Variants in GPR183 observed in about 807,000 individuals in gnomAD.
The protein encoded by GPR183 is G protein-coupled receptor 183.
Under a neutral mutation model 19.7 loss-of-function variants are expected in GPR183, and 9 were observed. The ratio of observed to expected loss-of-function variants is 0.46; its 90% CI spans 0.28 to 0.80. The LOEUF (loss-of-function observed/expected upper bound fraction) is 0.80, where lower values mean the gene tolerates loss of function less well. Ranked by LOEUF, GPR183 falls within the 30% of genes least tolerant of loss-of-function variation. The pLI is 0.13. For synonymous variants in GPR183, 160 were observed against 155.1 expected (o/e 1.03, Z -0.24); for missense variants, 368 against 446.7 (o/e 0.82, Z 1.59).
At position 99,295,403 on chromosome 13, in the gene GPR183, A is replaced by G; in HGVS notation, c.743T>C (p.Leu248Pro). The change falls in exon 2 of 2, where the codon CTT becomes CCT. Residue 248 changes from leucine to proline, a missense_variant. Leu to Pro is a moderately conservative substitution (Grantham distance 98, BLOSUM62 -3). Transcript: ENST00000376414. This position sits in a 1 kb window ranked among gnomAD's most constrained non-coding sequence, Gnocchi z 4.1. Reference protein sequence around the residue: ...VNKKALNTIILIIVVFVLCFT... With the variant: ...VNKKALNTIIPIIVVFVLCFT... ...ACAGAGAACAAACACAACAATAATA[A>G]GAATAATTGTGTTGAGAGCCTTTTT... The G allele has an allele frequency of 6.2e-7, 1 of 1,614,086 alleles. No homozygotes were observed. The highest frequency in any genetic ancestry group is 8.5e-7 in the Non-Finnish European group (1 of 1,179,966).
At chr13:99,306,476 G>A (rs1452664522) in intron 1 of GPR183, among the ~76,000 whole-genome samples, 4 of 151,838 alleles carry the variant, frequency 2.6e-5, no homozygotes, top group South Asian at 2.1e-4. Flanking sequence ...ACACTATATT[G>A]TACTCAGAGT....
At chr13:99,305,148 A>G (rs1283610311) in intron 1 of GPR183, among the ~76,000 whole-genome samples, 2 of 152,254 alleles carry the variant, frequency 1.3e-5, no homozygotes, top group East Asian at 3.8e-4. Context: ...AATATCTAGA[A>G]TAGGCTTTTA....
chr13:99,295,513 G>T lies in GPR183; in HGVS notation c.633C>A (p.Ile211=). Residue 211 remains isoleucine, a synonymous_variant, in exon 2 of 2, where the codon ATC becomes ATA. Transcript: ENST00000376414. The surrounding 1 kb of genome is among the most constrained non-coding windows in gnomAD (Gnocchi z 4.1). ...CFIGYVLPLI[I]ILICYSQICC... ...AGATCTGAGAATAGCAGATGAGAAT[G>T]ATTATAAGTGGAAGTACATATCCTA... is the stretch of plus-strand genomic sequence containing the variant. The T allele has an allele frequency of 6.2e-7, 1 of 1,613,950 alleles. No homozygotes were observed. Among genetic ancestry groups the T allele is most frequent in the Non-Finnish European group, 8.5e-7 (1 of 1,180,010 alleles).
chr13:99,306,881 T>C (rs555459352), intron 1 of GPR183, among the ~76,000 whole-genome samples: 259 of 152,314 alleles, frequency 1.7e-3, no homozygotes, highest in African/African-American at 4.6e-3. Context: ...TTAGAAAATA[T>C]ACCCTTTGCC....
rs933550504 is a variant in GPR183, at chr13:99,300,012, G to A, written c.-18-3849C>T. ...TTTCATGCTGCCCTTAAAGAACTGAGGGCTTGTGGTTTCAAAGTGGTCTAG... is the reference window on the plus strand; with the variant it reads ...TTTCATGCTGCCCTTAAAGAACTGAAGGCTTGTGGTTTCAAAGTGGTCTAG... On this transcript the variant is annotated intron_variant, in intron 1 of 1. Transcript: ENST00000376414. Among the ~76,000 whole-genome samples, 3 of 152,190 alleles carry A rather than the reference G, an allele frequency of 2.0e-5. No homozygotes were observed. In the South Asian group the frequency reaches 6.2e-4, roughly 32 times the overall value.
chr13:99,303,870 CAG>C (rs1341461576), intron 1 of GPR183, among the ~76,000 whole-genome samples: 6 of 152,194 alleles, frequency 3.9e-5, no homozygotes, highest in Non-Finnish European at 7.3e-5. Flanking sequence ...GTACTCAAGG[CAG>C]GGGTCGTGAA....
chr13:99,304,879 C>T (rs2044309202), intron 1 of GPR183, among the ~76,000 whole-genome samples: 1 of 152,176 alleles, frequency 6.6e-6, no homozygotes, highest in African/African-American at 2.4e-5. Context: ...GGGTAGAAAA[C>T]AAGTAAAATA....
At position 99,295,773 on chromosome 13, in the gene GPR183, G is replaced by A; in HGVS notation, c.373C>T (p.Leu125=). Residue 125 remains leucine (L), a synonymous_variant, in exon 2 of 2, where the codon CTG becomes TTG. Coordinates refer to ENST00000376414, the MANE Select transcript of GPR183 (RefSeq NM_004951.5). This position sits in a 1 kb window ranked among gnomAD's most constrained non-coding sequence, Gnocchi z 4.1. ...TYAGVNFMTC[L]SIDRFIAVVH... is the part of the protein sequence containing the mutation. ...ACAGCAATGAAGCGGTCAATACTCA[G>A]GCAGGTCATAAAGTTCACACCTGCA... The A allele has an allele frequency of 6.2e-7, 1 of 1,613,990 alleles. No homozygotes were observed. The highest frequency in any genetic ancestry group is 8.5e-7 in the Non-Finnish European group (1 of 1,179,928).
intron 1 of GPR183, among the ~76,000 whole-genome samples, chr13:99,304,040 G>A (rs953071343): frequency 4.6e-5 from 7 of 152,054 alleles, no homozygotes; most frequent in African/African-American, 7.2e-5. Flanking sequence ...GCAGCTTCCC[G>A]CCAGGCTCTC....
At chr13:99,305,798 C>T (rs2044324114) in intron 1 of GPR183, among the ~76,000 whole-genome samples, 1 of 152,022 alleles carries the variant, frequency 6.6e-6, no homozygotes, top group African/African-American at 2.4e-5. Flanking sequence ...GCAGTGAACC[C>T]GCAGAGAGAA....
At chr13:99,303,511 A>G (rs1293999621) in intron 1 of GPR183, among the ~76,000 whole-genome samples, 1 of 152,222 alleles carries the variant, frequency 6.6e-6, no homozygotes, top group African/African-American at 2.4e-5. Flanking sequence ...TGAAGATGAC[A>G]TATGTTTAGA....
chr13:99,295,268 G>C lies in GPR183; in HGVS notation c.878C>G (p.Thr293Arg). The change falls in exon 2 of 2, where the codon ACA becomes AGA. Residue 293 changes from threonine to arginine, a missense_variant. Physicochemically the swap from Thr to Arg is moderately conservative, Grantham distance 71. Coordinates refer to ENST00000376414, the MANE Select transcript of GPR183 (RefSeq NM_004951.5). This position sits in a 1 kb window ranked among gnomAD's most constrained non-coding sequence, Gnocchi z 4.1. ...RHSFQISLHF[T>R]VCLMNFNCCM... ...GCAATTGAAGTTCATCAGGCATACT[G>C]TAAAGTGCAGAGAAATCTGGAACGA... 1 of 1,614,156 alleles carries C rather than the reference G, an allele frequency of 6.2e-7. No individual in the cohort carries two copies. Among genetic ancestry groups the C allele is most frequent in the Non-Finnish European group, 8.5e-7 (1 of 1,180,004 alleles).
At chr13:99,304,284 C>A (rs1300948247) in intron 1 of GPR183, among the ~76,000 whole-genome samples, 1 of 152,194 alleles carries the variant, frequency 6.6e-6, no homozygotes, top group Non-Finnish European at 1.5e-5. Flanking sequence ...GGCCCCTATC[C>A]TGTATCCTTA....
intron 1 of GPR183, among the ~76,000 whole-genome samples, chr13:99,303,391 C>T (rs1456318699): frequency 6.6e-6 from 1 of 152,210 alleles, no homozygotes; most frequent in Non-Finnish European, 1.5e-5. Context: ...CCCACTTGCA[C>T]ATTTGGGGTT....
In GPR183 at chr13:99,296,094, C is replaced by T. The variant is rs2044167808; in HGVS notation, c.52G>A (p.Gly18Arg). 2 of 1,612,500 alleles carry T rather than the reference C, an allele frequency of 1.2e-6. No homozygotes were observed. The highest frequency in any genetic ancestry group is 1.7e-6 in the Non-Finnish European group (2 of 1,179,112). Reference protein sequence around the residue: ...NFTPPSATPQGNDCDLYAHHS... With the variant: ...NFTPPSATPQRNDCDLYAHHS... ...TGTGCATAGAGGTCACAGTCATTTCCCTGAGGAGTTGCAGAGGGCGGAGTA... is the reference window on the plus strand; with the variant it reads ...TGTGCATAGAGGTCACAGTCATTTCTCTGAGGAGTTGCAGAGGGCGGAGTA... Residue 18 changes from glycine to arginine, a missense_variant, in exon 2 of 2, where the codon GGA becomes AGA. Gly to Arg is a moderately radical substitution (Grantham distance 125, BLOSUM62 -2). Coordinates refer to ENST00000376414, the MANE Select transcript of GPR183 (RefSeq NM_004951.5).
At chr13:99,304,986 G>A (rs1161896398) in intron 1 of GPR183, among the ~76,000 whole-genome samples, 3 of 152,226 alleles carry the variant, frequency 2.0e-5, no homozygotes, top group African/African-American at 7.2e-5. Flanking sequence ...CAGGGAGGAA[G>A]AGATGTTGAT....
chr13:99,296,221 CT>C, intron 1 of GPR183, 58 bp from the exon 2 acceptor site: 1 of 1,392,650 alleles, frequency 7.2e-7, no homozygotes, highest in African/African-American at 1.4e-5. Flanking sequence ...AGTTTGATTA[CT>C]CATTAGTTTT....
chr13:99,299,814 C>A (rs1181745665), intron 1 of GPR183, among the ~76,000 whole-genome samples: 1 of 152,166 alleles, frequency 6.6e-6, no homozygotes, highest in African/African-American at 2.4e-5. Context: ...TACCCCTTAT[C>A]TACTTCGCAG....
rs1402611416 is a variant in GPR183, at chr13:99,296,181, A to G, written c.-18-18T>C. ...CCAGGTGTCTAGAAAAAAACCAAGA[A>G]GGATCATATAAGTAAAAGCATATGT... On this transcript the variant is annotated intron_variant, in intron 1 of 1. Coordinates refer to ENST00000376414, the MANE Select transcript of GPR183 (RefSeq NM_004951.5). 2.0e-6 allele frequency: 3 copies of G among 1,528,774 alleles called. No individual in the cohort carries two copies. The highest frequency in any genetic ancestry group is 2.6e-6 in the Non-Finnish European group (3 of 1,140,532). The allele number at this position is 1,528,774 out of a possible 1,614,324, so 94.7% of individuals were successfully genotyped here. A position where few individuals can be genotyped will look rare whatever the true frequency, so the allele number is the denominator to read the frequency against.
Sources: allele counts gnomAD v4.1 joint callset (sites outside exome capture counted in the v4.1 genomes callset), GRCh38; gene constraint gnomAD v4.1.1; non-coding constraint Gnocchi (gnomAD v3.1); transcripts MANE v1.5; gene names NCBI Gene and HGNC (gene_info 2026-07-23, HGNC 2026-07-21).